Variants in SVOP observed in about 807,000 individuals in gnomAD.
SVOP encodes the protein SV2 related protein.
A neutral mutation model predicts 69.1 loss-of-function variants in SVOP; 17 were observed. The ratio of observed to expected loss-of-function variants is 0.25; its 90% CI spans 0.17 to 0.37. The LOEUF is 0.37. SVOP is among the 10% of genes least tolerant of loss of function. SVOP has a pLI of 1.00. For missense variants in SVOP, 435 were observed against 597.5 expected (o/e 0.73, Z 2.84); for synonymous variants, 238 against 238.6 (o/e 1.00, Z 0.02).
chr12:108,935,618 C>T (rs978010796), intron 10 of SVOP, among the ~76,000 whole-genome samples: 3 of 152,134 alleles, frequency 2.0e-5, no homozygotes, highest in African/African-American at 7.2e-5. Context: ...TAATTGACCA[C>T]CTTGGGGACA....
chr12:109,017,374 C>A (rs1257395586), intron 1 of SVOP, among the ~76,000 whole-genome samples: 2 of 152,024 alleles, frequency 1.3e-5, no homozygotes, highest in Non-Finnish European at 2.9e-5. Context: ...CACCCCCATC[C>A]ATGGAAAAAT....
rs2039862116 is a variant in SVOP, at chr12:108,937,273, C to T, written c.962G>A (p.Trp321Ter). Reference sequence around the variant, plus strand: ...AACAAACAGCTCTTACCATATAAACCACAGCAGCAAAGTTGTCCATCTAAA... The same window carrying T: ...AACAAACAGCTCTTACCATATAAACTACAGCAGCAAAGTTGTCCATCTAAA... ...PHFRWTTLLL[W>*]FIWFSNAFSY... Residue 321 changes from tryptophan (W) to a stop codon, truncating the protein, a stop_gained, in exon 10 of 16, where the codon TGG becomes TAG. Coordinates refer to ENST00000610966, the MANE Select transcript of SVOP (RefSeq NM_018711.5). LOFTEE classifies it high-confidence loss of function. 6.2e-7 allele frequency: 1 copy of T among 1,613,784 alleles called. No homozygotes were observed. The highest frequency in any genetic ancestry group is 1.3e-5 in the African/African-American group (1 of 74,872).
chr12:108,979,271 G>A (rs182724639), intron 2 of SVOP, among the ~76,000 whole-genome samples: 360 of 152,124 alleles, frequency 2.4e-3, no homozygotes, highest in Non-Finnish European at 4.0e-3. Flanking sequence ...ACAGTGTCTC[G>A]CTCTGTTGCC....
In SVOP at chr12:108,927,974, T is replaced by C. The variant is rs574277169; in HGVS notation, c.1049-5177A>G. ...AGGTTGGAAAGCAGTGGTGCTATATTGGCTCACTGCAACCTCCGCCTCCTG... is the reference window on the plus strand; with the variant it reads ...AGGTTGGAAAGCAGTGGTGCTATATCGGCTCACTGCAACCTCCGCCTCCTG... On this transcript the variant is annotated intron_variant, in intron 11 of 15. Transcript: ENST00000610966. 6.6e-5 allele frequency among the ~76,000 whole-genome samples: 10 copies of C among 151,900 alleles called. No homozygotes were observed. The South Asian group carries it at 2.1e-3, about 32-fold the overall frequency.
chr12:109,020,421 T>C (rs1032013745), intron 1 of SVOP, among the ~76,000 whole-genome samples: 1 of 152,138 alleles, frequency 6.6e-6, no homozygotes, highest in Non-Finnish European at 1.5e-5. Context: ...CAAAAGACCT[T>C]GCAGAAAAAT....
At chr12:109,011,023 T>G (rs2040338551) in intron 1 of SVOP, among the ~76,000 whole-genome samples, 1 of 152,168 alleles carries the variant, frequency 6.6e-6, no homozygotes. Context: ...CAAGCGATTC[T>G]CATGCCTCAG....
intron 1 of SVOP, among the ~76,000 whole-genome samples, chr12:108,984,132 T>C (rs2040155602): frequency 1.1e-4 from 17 of 152,212 alleles, no homozygotes; most frequent in East Asian, 1.9e-4. Context: ...CTAAAGGTCA[T>C]GTTAGGCCCA....
Position 108,937,289 on chromosome 12 carries a change from T to C in SVOP, c.946A>G (p.Thr316Ala), listed in dbSNP as rs1359941581. ...RDLFTPHFRWTTLLLWFIWFS... is the reference protein window; with the variant it reads ...RDLFTPHFRWATLLLWFIWFS... ...CATATAAACCACAGCAGCAAAGTTGTCCATCTAAAATGGGGTGTGAAAAGG... is the reference window on the plus strand; with the variant it reads ...CATATAAACCACAGCAGCAAAGTTGCCCATCTAAAATGGGGTGTGAAAAGG... Residue 316 changes from threonine (T) to alanine (A), a missense_variant, in exon 10 of 16, where the codon ACA becomes GCA. Physicochemically the swap from Thr to Ala is moderately conservative, Grantham distance 58. Coordinates refer to ENST00000610966, the MANE Select transcript of SVOP (RefSeq NM_018711.5). The C allele has an allele frequency of 4.3e-6, 7 of 1,613,982 alleles. No homozygotes were observed. Among genetic ancestry groups the C allele is most frequent in the Middle Eastern group, 3.3e-4 (2 of 6,062 alleles).
At chr12:109,006,055 T>C (rs899036031) in intron 1 of SVOP, among the ~76,000 whole-genome samples, 16 of 152,138 alleles carry the variant, frequency 1.1e-4, no homozygotes, top group Admixed American at 3.9e-4. Flanking sequence ...TGTTTTGTTT[T>C]GTTTTGTTTT....
At chr12:109,006,122 G>A (rs746469980) in intron 1 of SVOP, among the ~76,000 whole-genome samples, 32 of 152,054 alleles carry the variant, frequency 2.1e-4, no homozygotes, top group African/African-American at 5.8e-4. Context: ...GCACAGTCTC[G>A]GCTCACTGCA....
intron 6 of SVOP, among the ~76,000 whole-genome samples, chr12:108,952,312 G>A (rs576026563): frequency 1.4e-3 from 181 of 125,804 alleles, no homozygotes; most frequent in Middle Eastern, 6.3e-3. Flanking sequence ...TTGGCTCACC[G>A]CAACCTCTAA....
chr12:108,998,387 G>A (rs1048188301), intron 1 of SVOP, among the ~76,000 whole-genome samples: 5 of 152,092 alleles, frequency 3.3e-5, no homozygotes, highest in African/African-American at 1.2e-4. Flanking sequence ...AAAACACTCT[G>A]CAGGATATTA....
chr12:108,986,249 G>A (rs565476119), intron 1 of SVOP, among the ~76,000 whole-genome samples: 1 of 152,246 alleles, frequency 6.6e-6, no homozygotes, highest in Admixed American at 6.5e-5. Context: ...AGAACACTGA[G>A]GTCCTAGAAG....
chr12:108,964,141 G>A (rs955278310), intron 5 of SVOP, among the ~76,000 whole-genome samples: 6 of 152,056 alleles, frequency 3.9e-5, no homozygotes, highest in African/African-American at 1.4e-4. Context: ...GATCACTTGA[G>A]GCTGGGAGTT....
intron 1 of SVOP, among the ~76,000 whole-genome samples, chr12:109,006,268 G>T (rs2040307064): frequency 6.6e-6 from 1 of 152,086 alleles, no homozygotes; most frequent in South Asian, 2.1e-4. Context: ...GGCCAGAAAG[G>T]TCTCAAACTC....
At chr12:108,930,131 C>T (rs1184117104) in intron 11 of SVOP, among the ~76,000 whole-genome samples, 1 of 152,154 alleles carries the variant, frequency 6.6e-6, no homozygotes, top group Non-Finnish European at 1.5e-5. Flanking sequence ...AATAATGAGG[C>T]ATAAAAATGA....
chr12:108,972,455 A>T lies in SVOP; in HGVS notation c.403T>A (p.Ser135Thr). 6.5e-7 allele frequency: 1 copy of T among 1,537,250 alleles called. No homozygotes were observed. Among genetic ancestry groups the T allele is most frequent in the Non-Finnish European group, 8.7e-7 (1 of 1,146,904 alleles). The part of the protein sequence containing the change: ...LTSVVFVGMM[S>T]SSTLWGNISD... ...ATATTTCCCCAGAGCGTGGAGCTGG[A>T]CATCATGCCTACAAAGACCACCTGT... Residue 135 changes from serine (S) to threonine (T), a missense_variant, in exon 5 of 16, where the codon TCC becomes ACC. Coordinates refer to ENST00000610966, the MANE Select transcript of SVOP (RefSeq NM_018711.5).
chr12:108,942,533 G>A (rs1168217120), intron 7 of SVOP, among the ~76,000 whole-genome samples: 1 of 152,188 alleles, frequency 6.6e-6, no homozygotes, highest in Non-Finnish European at 1.5e-5. Context: ...AGCCCTGCAG[G>A]AGATGGAAGC....
At position 108,953,886 on chromosome 12, in the gene SVOP, C is replaced by T. The variant is rs192347486; in HGVS notation, c.578+7037G>A. ...CAGCACTTTGGGAGGCTGAGGCAGG[C>T]GAATCGCTTGAGGTCAGGAGTTCGA... is the stretch of plus-strand genomic sequence containing the variant. On this transcript the variant is annotated intron_variant, in intron 6 of 15. Transcript: ENST00000610966. Among the ~76,000 whole-genome samples, 14 of 151,918 alleles carry T rather than the reference C, an allele frequency of 9.2e-5. 1 individual carries two copies. The highest frequency in any genetic ancestry group is 2.7e-4 in the African/African-American group (11 of 41,420).
Sources: allele counts gnomAD v4.1 joint callset (sites outside exome capture counted in the v4.1 genomes callset), GRCh38; gene constraint gnomAD v4.1.1; transcripts MANE v1.5; gene names NCBI Gene and HGNC (gene_info 2026-07-23, HGNC 2026-07-21).